CC2D2B: variants seen among roughly 807,000 people sequenced by gnomAD.
CC2D2B encodes the protein coiled-coil and C2 domain containing 2B.
Under a neutral mutation model 161.2 loss-of-function variants are expected in CC2D2B, and 128 were observed. That is an observed-to-expected ratio of 0.79 (90% CI 0.69 to 0.92). CC2D2B has a LOEUF of 0.92. Among genes scored for constraint, CC2D2B ranks in the 40% least tolerant of loss-of-function variants. The probability of loss-of-function intolerance (pLI) is 0.00; values close to 1 mark genes in which losing one functional copy is unlikely to be tolerated. For missense variants in CC2D2B, 1,173 were observed against 1,375.1 expected, an observed-to-expected ratio of 0.85 and a Z score of 2.32; for synonymous variants, 391 against 449.8, an observed-to-expected ratio of 0.87 and a Z score of 1.65.
chr10:95,947,742 C>T (rs953444208), intron 9 of CC2D2B, among the ~76,000 whole-genome samples: 5 of 151,196 alleles, frequency 3.3e-5, no homozygotes, highest in South Asian at 4.2e-4. Context: ...AGTGAGACTC[C>T]GTCTCAAGAA....
chr10:96,000,220 T>C, intron 24 of CC2D2B: 1 of 1,291,530 alleles, frequency 7.7e-7, no homozygotes, highest in East Asian at 3.0e-5. Flanking sequence ...TCAGGTGCCT[T>C]TCTTCTTTTC....
chr10:95,917,766 A>C (rs980219342), intron 2 of CC2D2B, among the ~76,000 whole-genome samples: 2 of 152,088 alleles, frequency 1.3e-5, no homozygotes, highest in African/African-American at 4.8e-5. Flanking sequence ...TGTCTTAAAA[A>C]GTTATTGCAG....
intron 25 of CC2D2B, among the ~76,000 whole-genome samples, chr10:96,005,231 A>G (rs1336697532): frequency 6.6e-6 from 1 of 152,224 alleles, no homozygotes; most frequent in Non-Finnish European, 1.5e-5. Flanking sequence ...TATCTCAAAG[A>G]CTAATTTGAT....
chr10:96,019,125 T>G, intron 30 of CC2D2B, 78 bp from the exon 31 acceptor site: 1 of 1,255,722 alleles, frequency 8.0e-7, no homozygotes, highest in Non-Finnish European at 1.1e-6. Flanking sequence ...CTTTAAAAAT[T>G]AGAATCATCA....
intron 9 of CC2D2B, among the ~76,000 whole-genome samples, chr10:95,945,550 C>T (rs1368576986): frequency 2.0e-5 from 3 of 152,158 alleles, no homozygotes; most frequent in Non-Finnish European, 4.4e-5. Flanking sequence ...GCTCCCATTT[C>T]TAGCACTCTT....
rs1371737507 is a variant in CC2D2B, at chr10:96,032,952, G to C, written c.*944G>C. Among the ~76,000 whole-genome samples, 1 of 152,146 alleles carries C rather than the reference G, an allele frequency of 6.6e-6. No individual in the cohort carries two copies. Among genetic ancestry groups the C allele is most frequent in the Non-Finnish European group, 1.5e-5 (1 of 68,030 alleles). ...GCCCCTCAAGAAAGACTGGACAGGG[G>C]TCTAAGTAGGAAGCACTATACTTTC... On this transcript the variant is annotated 3_prime_UTR_variant, in exon 35 of 35. Coordinates refer to ENST00000646931, the MANE Select transcript of CC2D2B (RefSeq NM_001349008.3).
intron 11 of CC2D2B, among the ~76,000 whole-genome samples, chr10:95,958,803 AAGG>A (rs10582350): frequency 0.085 from 12,908 of 152,016 alleles, 1,118 homozygotes; most frequent in African/African-American, 0.21. Flanking sequence ...GGAGATTCAA[AAGG>A]AGAAGATAGA....
intron 9 of CC2D2B, among the ~76,000 whole-genome samples, chr10:95,946,523 C>T (rs553674189): frequency 7.6e-4 from 115 of 152,240 alleles, no homozygotes; most frequent in African/African-American, 2.5e-3. Context: ...AATGATTTTT[C>T]CTTGGTGTTT....
At chr10:95,947,228 T>G (rs2141325529) in intron 9 of CC2D2B, among the ~76,000 whole-genome samples, 2 of 148,946 alleles carry the variant, frequency 1.3e-5, no homozygotes, top group Non-Finnish European at 3.0e-5. Flanking sequence ...TTCTCCTGCC[T>G]CAGCCTCCCA....
intron 6 of CC2D2B, among the ~76,000 whole-genome samples, chr10:95,929,779 T>C (rs1438012550): frequency 6.6e-6 from 1 of 152,226 alleles, no homozygotes; most frequent in Non-Finnish European, 1.5e-5. Flanking sequence ...ACCAGTACCA[T>C]GCTGTTTGGT....
intron 6 of CC2D2B, among the ~76,000 whole-genome samples, chr10:95,934,865 G>GTTTGT (rs59255321): frequency 0.39 from 58,400 of 150,754 alleles, 11,766 homozygotes; most frequent in African/African-American, 0.46. Context: ...TTTTTTGTTT[G>GTTTGT]TTTGTTTTGT....
chr10:96,009,728 GAAGA>G (rs1040740559), intron 25 of CC2D2B, 93 bp from the exon 26 acceptor site: 60 of 479,930 alleles, frequency 1.3e-4, no homozygotes, highest in East Asian at 6.2e-4. Context: ...TTCTTTTTTA[GAAGA>G]AAGAGAATGA....
intron 2 of CC2D2B, chr10:95,920,607 AG>A (rs1441464784): frequency 2.0e-5 from 3 of 152,026 alleles, no homozygotes; most frequent in African/African-American, 7.3e-5. Flanking sequence ...CTCAAGCAGA[AG>A]GTGTCTCTCA....
intron 33 of CC2D2B, among the ~76,000 whole-genome samples, 197 bp from the exon 34 acceptor site, chr10:96,027,015 C>T (rs1315636190): frequency 1.2e-4 from 19 of 152,004 alleles, no homozygotes; most frequent in Non-Finnish European, 4.4e-5. Flanking sequence ...CCCAGCTAAT[C>T]GGGAGGCTGA....
chr10:95,996,955 C>T (rs534543998), intron 24 of CC2D2B, among the ~76,000 whole-genome samples: 50 of 152,280 alleles, frequency 3.3e-4, no homozygotes, highest in African/African-American at 1.0e-3. Context: ...TCTACTCTTC[C>T]GCCATGTGAG....
At chr10:96,020,872 A>C (rs528917451) in intron 32 of CC2D2B, 1 of 152,340 alleles carries the variant, frequency 6.6e-6, no homozygotes, top group African/African-American at 2.4e-5. Flanking sequence ...GTCTCTAAAA[A>C]TAAAAACAAA....
At chr10:95,923,549 A>G (rs2098532188) in intron 3 of CC2D2B, among the ~76,000 whole-genome samples, 2 of 152,148 alleles carry the variant, frequency 1.3e-5, no homozygotes, top group Non-Finnish European at 2.9e-5. Flanking sequence ...CCAGGCTTTG[A>G]TATTTTTGTA....
chr10:95,927,835 C>T (rs2098542248), intron 6 of CC2D2B, among the ~76,000 whole-genome samples: 2 of 151,986 alleles, frequency 1.3e-5, no homozygotes, highest in South Asian at 4.2e-4. Context: ...TAGTCAGTCC[C>T]TCTCAGTCCC....
chr10:95,980,414 T>TTTGTTG (rs143673703), intron 17 of CC2D2B, among the ~76,000 whole-genome samples: 8 of 151,876 alleles, frequency 5.3e-5, no homozygotes, highest in African/African-American at 7.3e-5. Context: ...TTCTTTGTTG[T>TTTGTTG]TTGTTGTTGT....
Sources: allele counts gnomAD v4.1 joint callset (sites outside exome capture counted in the v4.1 genomes callset), GRCh38; gene constraint gnomAD v4.1.1; transcripts MANE v1.5; gene names NCBI Gene and HGNC (gene_info 2026-07-23, HGNC 2026-07-21).